AUTS2: variants seen among roughly 807,000 people sequenced by gnomAD.
AUTS2 encodes the protein activator of transcription and developmental regulator AUTS2, also known as autism susceptibility gene 2 protein.
AUTS2 carries 17 observed loss-of-function variants against 112.4 expected under a neutral mutation model. The observed-to-expected ratio is 0.15, with a 90% confidence interval of 0.10 to 0.23. AUTS2 has a LOEUF of 0.23. AUTS2 is among the 10% of genes least tolerant of loss of function. The pLI, the probability that AUTS2 is intolerant of heterozygous loss-of-function variation, is 1.00. For synonymous variants in AUTS2, 751 were observed against 702.7 expected (o/e 1.07, Z -1.09); for missense variants, 1,510 against 1,701.6 (o/e 0.89, Z 1.98).
At chr7:70,102,205 G>C (rs1804537263) in intron 2 of AUTS2, among the ~76,000 whole-genome samples, 2 of 146,686 alleles carry the variant, frequency 1.4e-5, no homozygotes, top group Non-Finnish European at 3.0e-5. Flanking sequence ...CGCAAGCTCT[G>C]GCTCCCGGGT....
chr7:70,637,211 C>T (rs1469080819), intron 5 of AUTS2, among the ~76,000 whole-genome samples: 1 of 152,172 alleles, frequency 6.6e-6, no homozygotes, highest in Admixed American at 6.5e-5. Context: ...TTTAAAAGTT[C>T]TCATCCTGGC....
chr7:70,205,561 G>A (rs1260583858), intron 4 of AUTS2, among the ~76,000 whole-genome samples: 1 of 152,152 alleles, frequency 6.6e-6, no homozygotes, highest in African/African-American at 2.4e-5. Context: ...AGGCAACTAT[G>A]CTATTCAGTA....
At chr7:69,620,837 T>C (rs1793621325) in intron 1 of AUTS2, among the ~76,000 whole-genome samples, 1 of 152,114 alleles carries the variant, frequency 6.6e-6, no homozygotes, top group African/African-American at 2.4e-5. Flanking sequence ...TGTGGATCCT[T>C]GGGGATGGTG....
chr7:70,486,922 A>G (rs1430187955), intron 5 of AUTS2, among the ~76,000 whole-genome samples: 4 of 128,620 alleles, frequency 3.1e-5, no homozygotes, highest in Non-Finnish European at 6.5e-5. Flanking sequence ...AAAAAAGAAG[A>G]AAAGGTTGCA....
At chr7:69,614,146 G>C (rs1793194379) in intron 1 of AUTS2, among the ~76,000 whole-genome samples, 1 of 151,934 alleles carries the variant, frequency 6.6e-6, no homozygotes, top group Non-Finnish European at 1.5e-5. Context: ...TCATTCTCTG[G>C]GACTTCACGA....
intron 4 of AUTS2, among the ~76,000 whole-genome samples, chr7:70,266,180 G>A (rs984529145): frequency 6.6e-6 from 1 of 152,176 alleles, no homozygotes; most frequent in Non-Finnish European, 1.5e-5. Flanking sequence ...AAAATGTGGT[G>A]TATCCATAAA....
chr7:70,207,741 G>C (rs1810642319), intron 4 of AUTS2, among the ~76,000 whole-genome samples: 1 of 152,154 alleles, frequency 6.6e-6, no homozygotes, highest in Admixed American at 6.6e-5. Flanking sequence ...GCTGGGCATG[G>C]TGGCTCACGC....
intron 2 of AUTS2, among the ~76,000 whole-genome samples, chr7:69,920,690 G>C (rs1795775524): frequency 6.6e-6 from 1 of 152,128 alleles, no homozygotes; most frequent in African/African-American, 2.4e-5. Context: ...GAATGAAATT[G>C]ATAAGATACA....
At chr7:70,677,725 G>T (rs540296558) in intron 5 of AUTS2, among the ~76,000 whole-genome samples, 1 of 151,688 alleles carries the variant, frequency 6.6e-6, no homozygotes, top group Non-Finnish European at 1.5e-5. Context: ...AGCCCACCTC[G>T]GGTGACTTTT....
intron 1 of AUTS2, among the ~76,000 whole-genome samples, chr7:69,613,617 A>T (rs1471698789): frequency 6.6e-6 from 1 of 152,224 alleles, no homozygotes; most frequent in Non-Finnish European, 1.5e-5. Flanking sequence ...CACAAATGTA[A>T]AATTGGAATG....
chr7:70,764,775 C>T lies in AUTS2; in HGVS notation c.1238C>T (p.Ala413Val). The T allele has an allele frequency of 3.8e-6, 3 of 781,286 alleles. No individual in the cohort carries two copies. Among genetic ancestry groups the T allele is most frequent in the Admixed American group, 2.0e-5 (1 of 50,064 alleles). The allele number at this position is 781,286 out of a possible 1,614,324, so 48.4% of individuals were successfully genotyped here. A position where few individuals can be genotyped will look rare whatever the true frequency, so the allele number is the denominator to read the frequency against. Residue 413 changes from alanine (A) to valine (V), a missense_variant, in exon 8 of 19, where the codon GCG becomes GTG. Transcript: ENST00000342771. The part of the protein sequence containing the change: ...SLSSSRSSTP[A>V]KTQPAPPHIS... The stretch of plus-strand genomic sequence containing the variant: ...AGCAGCAGCAGAAGCAGCACTCCAG[C>T]GAAGACTCAGCCCGCCCCACCTCAC...
chr7:70,591,382 G>GTGTTTGTTTGTTTGTT (rs1316220849), intron 5 of AUTS2, among the ~76,000 whole-genome samples: 7 of 116,362 alleles, frequency 6.0e-5, no homozygotes, highest in African/African-American at 2.5e-4. Flanking sequence ...GGTTTACCCA[G>GTGTTTGTTTGTTTGTT]TCTTTGTTTG....
rs144601807 is a variant in AUTS2 at position 69,743,357 on chromosome 7, T to C, written c.309+143395T>C. ...GCCAGGGCTTCCTTCTGTACCATAT[T>C]GTTGACTTTCAGAATAAAAAATACA... On this transcript the variant is annotated intron_variant, in intron 1 of 18. Transcript: ENST00000342771. 5.8e-4 allele frequency among the ~76,000 whole-genome samples: 88 copies of C among 152,338 alleles called. 1 individual carries two copies. The highest frequency in any genetic ancestry group is 1.1e-3 in the Non-Finnish European group (74 of 68,042).
chr7:69,757,294 G>A (rs1464052738), intron 1 of AUTS2, among the ~76,000 whole-genome samples: 2 of 152,190 alleles, frequency 1.3e-5, no homozygotes, highest in African/African-American at 4.8e-5. Flanking sequence ...TCCCTGTTGG[G>A]ACAAGGCTTT....
Position 70,169,265 on chromosome 7 carries a change from G to A in AUTS2, c.660+34694G>A, listed in dbSNP as rs550177648. On this transcript the variant is annotated intron_variant, in intron 4 of 18. Transcript: ENST00000342771. The stretch of plus-strand genomic sequence containing the variant: ...ATATATATATATTTTTTTTGAGACG[G>A]CATCTCACTGTGTCACCCAGGCTGA... 6.6e-5 allele frequency among the ~76,000 whole-genome samples: 10 copies of A among 151,690 alleles called. No homozygotes were observed. The South Asian group carries it at 1.9e-3, about 29-fold the overall frequency.
At chr7:69,749,917 A>G (rs1787663570) in intron 1 of AUTS2, among the ~76,000 whole-genome samples, 1 of 152,210 alleles carries the variant, frequency 6.6e-6, no homozygotes, top group Non-Finnish European at 1.5e-5. Context: ...ACCGCAGGAA[A>G]AGAAAAGGCC....
At chr7:69,640,741 C>T (rs962031727) in intron 1 of AUTS2, among the ~76,000 whole-genome samples, 4 of 152,194 alleles carry the variant, frequency 2.6e-5, no homozygotes, top group Non-Finnish European at 4.4e-5. Context: ...TCCCATGACA[C>T]ACTTGTTAAT....
intron 4 of AUTS2, among the ~76,000 whole-genome samples, chr7:70,371,494 T>C (rs922985876): frequency 2.6e-5 from 4 of 152,208 alleles, no homozygotes; most frequent in African/African-American, 9.6e-5. Context: ...CTCCAACTAA[T>C]GATAGAGGAA....
intron 2 of AUTS2, among the ~76,000 whole-genome samples, chr7:70,069,279 T>C (rs1802642442): frequency 6.6e-6 from 1 of 152,214 alleles, no homozygotes; most frequent in Non-Finnish European, 1.5e-5. Context: ...ACCCTTGCTT[T>C]GGAATCACTC....
Sources: allele counts gnomAD v4.1 joint callset (sites outside exome capture counted in the v4.1 genomes callset), GRCh38; gene constraint gnomAD v4.1.1; transcripts MANE v1.5; gene names NCBI Gene and HGNC (gene_info 2026-07-23, HGNC 2026-07-21).